The following MYL12B variants were observed in gnomAD, a reference collection of about 807,000 sequenced individuals.
The protein encoded by MYL12B is myosin regulatory light chain 12B.
MYL12B carries 3 observed loss-of-function variants against 12.9 expected under a neutral mutation model. The observed-to-expected ratio is 0.23, with a 90% CI of 0.11 to 0.60. The LOEUF (loss-of-function observed/expected upper bound fraction) is 0.60. MYL12B is among the 20% of genes least tolerant of loss of function. The pLI is 0.89. For synonymous variants in MYL12B, 57 were observed against 71.9 expected (o/e 0.79, Z 1.05); for missense variants, 120 against 215.4 (o/e 0.56, Z 2.77).
intron 2 of MYL12B, among the ~76,000 whole-genome samples, chr18:3,275,282 A>C (rs533752991): frequency 6.6e-6 from 1 of 152,188 alleles, no homozygotes; most frequent in Non-Finnish European, 1.5e-5. Context: ...GAACTCATGG[A>C]GATGGAAAGT....
At chr18:3,269,677 A>G (rs928479135) in intron 1 of MYL12B, among the ~76,000 whole-genome samples, 4 of 152,226 alleles carry the variant, frequency 2.6e-5, no homozygotes, top group Non-Finnish European at 5.9e-5. Context: ...AGGCATTGTC[A>G]TAACAGTGAA....
chr18:3,267,808 G>A (rs1007808768), intron 1 of MYL12B, among the ~76,000 whole-genome samples: 4 of 152,038 alleles, frequency 2.6e-5, no homozygotes, highest in African/African-American at 9.7e-5. Flanking sequence ...ATCTGCAGAG[G>A]GTTGGTTCCA....
At chr18:3,271,691 A>T (rs1396182297) in intron 1 of MYL12B, among the ~76,000 whole-genome samples, 1 of 152,220 alleles carries the variant, frequency 6.6e-6, no homozygotes, top group African/African-American at 2.4e-5. Flanking sequence ...TTCAGAGGTT[A>T]TATGTAGCTA....
intron 2 of MYL12B, chr18:3,276,642 A>C (rs376048196): frequency 1.2e-6 from 1 of 801,238 alleles, no homozygotes. Flanking sequence ...AAGCATATCA[A>C]CTTATGGGCA....
chr18:3,276,563 A>G (rs1404509549), intron 2 of MYL12B: 1 of 985,230 alleles, frequency 1.0e-6, no homozygotes, highest in Non-Finnish European at 1.2e-6. Flanking sequence ...CATTGTTCAA[A>G]ATAAGCTGCC....
At chr18:3,266,529 A>G (rs1036812613) in intron 1 of MYL12B, among the ~76,000 whole-genome samples, 5 of 151,906 alleles carry the variant, frequency 3.3e-5, no homozygotes, top group Non-Finnish European at 5.9e-5. Flanking sequence ...GGCTACCACC[A>G]TGACCAGAGG....
intron 1 of MYL12B, among the ~76,000 whole-genome samples, chr18:3,265,793 C>CT (rs1187905639): frequency 6.6e-6 from 1 of 152,074 alleles, no homozygotes; most frequent in African/African-American, 2.4e-5. Context: ...TGGTCAGAGC[C>CT]AGAGGAATTC....
intron 2 of MYL12B, chr18:3,276,396 TC>T: frequency 1.0e-6 from 1 of 983,836 alleles, no homozygotes; most frequent in Non-Finnish European, 1.2e-6. Context: ...CAGGGAGATT[TC>T]TTTCAGCTCC....
chr18:3,276,947 TGTAATA>T, intron 2 of MYL12B: 1 of 980,846 alleles, frequency 1.0e-6, no homozygotes, highest in Non-Finnish European at 1.2e-6. Flanking sequence ...AAAATTAAGA[TGTAATA>T]ATGTGGCACT....
intron 1 of MYL12B, among the ~76,000 whole-genome samples, chr18:3,272,436 A>T (rs1464132099): frequency 1.3e-5 from 2 of 152,250 alleles, no homozygotes; most frequent in African/African-American, 4.8e-5. Context: ...TAAGTACTCC[A>T]TAGATGCTAG....
At chr18:3,268,212 T>C (rs1207977080) in intron 1 of MYL12B, among the ~76,000 whole-genome samples, 2 of 152,212 alleles carry the variant, frequency 1.3e-5, no homozygotes, top group African/African-American at 4.8e-5. Context: ...AACCTCTGAG[T>C]ACTACTTATA....
rs1418754855 is a variant in MYL12B, at chr18:3,278,239, A to T, written c.*302A>T. 4.5e-6 allele frequency: 1 copy of T among 222,410 alleles called. No homozygotes were observed. The highest frequency in any genetic ancestry group is 8.8e-6 in the Non-Finnish European group (1 of 113,976). The allele number at this position is 222,410 out of a possible 1,614,324, so 13.8% of individuals were successfully genotyped here. A position where few individuals can be genotyped will look rare whatever the true frequency, so the allele number is the denominator to read the frequency against. ...GATTTTTACATTTTTATATAATAAA[A>T]ATGTTATTTTGAAATAAAGATTATG... On this transcript the variant is annotated 3_prime_UTR_variant, in exon 4 of 4. Coordinates refer to ENST00000237500, the MANE Select transcript of MYL12B (RefSeq NM_033546.4).
In MYL12B at chr18:3,268,672, G is replaced by T. The variant is rs1437383962; in HGVS notation, c.-15-4212G>T. Among the ~76,000 whole-genome samples, 7 of 152,136 alleles carry T rather than the reference G, an allele frequency of 4.6e-5. No individual in the cohort carries two copies. The East Asian group carries it at 1.2e-3, about 25-fold the overall frequency. ...TTGTAGGTGCTCAGAAATCAGTGTT[G>T]AATTATATTGGTGGCATTGCAAGTT... On this transcript the variant is annotated intron_variant, in intron 1 of 3. Coordinates refer to ENST00000237500, the MANE Select transcript of MYL12B (RefSeq NM_033546.4).
chr18:3,277,207 A>C, intron 2 of MYL12B, 46 bp from the exon 3 acceptor site: 1 of 1,468,504 alleles, frequency 6.8e-7, no homozygotes, highest in Non-Finnish European at 9.2e-7. Flanking sequence ...TAACTATTGA[A>C]ATTAAATGTT....
chr18:3,278,300 ATGAT>A lies in MYL12B; in HGVS notation c.*368_*371del, dbSNP rs1407696912. ...TGCAATGTAATGGCAAGTTAAACAA[ATGAT>A]TGATAGGTGGGGGTAGTCCTTTTTT... On this transcript the variant is annotated 3_prime_UTR_variant, in exon 4 of 4. Transcript: ENST00000237500. 3 of 179,144 alleles carry A rather than the reference ATGAT, an allele frequency of 1.7e-5. No individual in the cohort carries two copies. The highest frequency in any genetic ancestry group is 1.7e-4 in the East Asian group (1 of 5,742). The allele number at this position is 179,144 out of a possible 1,614,324, so 11.1% of individuals were successfully genotyped here.
intron 1 of MYL12B, among the ~76,000 whole-genome samples, chr18:3,265,962 C>T (rs1482328295): frequency 3.9e-5 from 6 of 152,140 alleles, no homozygotes; most frequent in Admixed American, 6.5e-5. Flanking sequence ...AATTTGACTG[C>T]GGTCCCTTGG....
At chr18:3,275,781 C>G (rs1028231985) in intron 2 of MYL12B, among the ~76,000 whole-genome samples, 2 of 152,190 alleles carry the variant, frequency 1.3e-5, no homozygotes, top group Admixed American at 1.3e-4. Context: ...TTCTTCCCCC[C>G]AAAAAATGCT....
chr18:3,270,145 G>A (rs1346894494), intron 1 of MYL12B, among the ~76,000 whole-genome samples: 9 of 152,208 alleles, frequency 5.9e-5, no homozygotes, highest in Non-Finnish European at 1.3e-4. Context: ...GGTGGAGGAA[G>A]CCAAGATACT....
Position 3,278,358 on chromosome 18 carries a change from T to G in MYL12B, c.*421T>G, listed in dbSNP as rs566505616. 1 of 161,984 alleles carries G rather than the reference T, an allele frequency of 6.2e-6. No individual in the cohort carries two copies. The highest frequency in any genetic ancestry group is 1.9e-4 in the East Asian group (1 of 5,322). 10.0% of individuals were successfully genotyped at this position (161,984 alleles called of 1,614,324 possible). ...GTTTTCAACTTCATATGATTCAGGT[T>G]TTATGGTAAAATTGATTTTTCACAT... On this transcript the variant is annotated 3_prime_UTR_variant, in exon 4 of 4. Coordinates refer to ENST00000237500, the MANE Select transcript of MYL12B (RefSeq NM_033546.4).
Sources: allele counts gnomAD v4.1 joint callset (sites outside exome capture counted in the v4.1 genomes callset), GRCh38; gene constraint gnomAD v4.1.1; transcripts MANE v1.5; gene names NCBI Gene and HGNC (gene_info 2026-07-23, HGNC 2026-07-21).